The following CFAP300 variants were observed in gnomAD, a reference collection of about 807,000 sequenced individuals.
CFAP300 encodes the protein cilia- and flagella-associated protein 300.
A neutral mutation model predicts 33.0 loss-of-function variants in CFAP300; 32 were observed. That is an observed-to-expected ratio of 0.97 (90% CI 0.73 to 1.30). The LOEUF is 1.30. Ranked by LOEUF, CFAP300 falls within the 50% of genes most tolerant of loss-of-function variation. The pLI is 0.00. For synonymous variants in CFAP300, 102 were observed against 106.8 expected (o/e 0.95, Z 0.28); for missense variants, 356 against 318.1 (o/e 1.12, Z -0.90).
At chr11:102,056,216 T>C (rs1372644712) in intron 2 of CFAP300, among the ~76,000 whole-genome samples, 2 of 152,202 alleles carry the variant, frequency 1.3e-5, no homozygotes, top group Non-Finnish European at 2.9e-5. Flanking sequence ...ACTGTTTTTT[T>C]ACTGATAGAC....
In CFAP300 at chr11:102,083,056, GT is replaced by G. The variant is rs763466819; in HGVS notation, c.676-12del. 5 of 1,338,434 alleles carry G rather than the reference GT, an allele frequency of 3.7e-6. No homozygotes were observed. The highest frequency in any genetic ancestry group is 5.6e-5 in the Admixed American group (2 of 35,984). 82.9% of individuals were successfully genotyped at this position (1,338,434 alleles called of 1,614,324 possible). ...ATAAAATAAAATAATAATAATTTAGGTTTGTCTTTTTCAGGATTCTGCTGGT... is the reference window on the plus strand; with the variant it reads ...ATAAAATAAAATAATAATAATTTAGGTTGTCTTTTTCAGGATTCTGCTGGT... On this transcript the variant is annotated splice_polypyrimidine_tract_variant and intron_variant, in intron 6 of 6. Coordinates refer to ENST00000434758, the MANE Select transcript of CFAP300 (RefSeq NM_032930.3).
intron 4 of CFAP300, 94 bp downstream of exon 4, chr11:102,066,745 T>C: frequency 1.0e-6 from 1 of 1,002,930 alleles, no homozygotes; most frequent in Non-Finnish European, 1.5e-6. Flanking sequence ...TAAAATACCT[T>C]GTCATAAAAT....
chr11:102,055,355 G>A (rs116358040), intron 2 of CFAP300, among the ~76,000 whole-genome samples: 1,333 of 83,758 alleles, frequency 0.016, 25 homozygotes, highest in African/African-American at 0.068. Flanking sequence ...TACCACATGC[G>A]TTACTCTTTT....
At position 102,079,363 on chromosome 11, in the gene CFAP300, G is replaced by A. The variant is rs142379121; in HGVS notation, c.609-1852G>A. On this transcript the variant is annotated intron_variant, in intron 5 of 6. Coordinates refer to ENST00000434758, the MANE Select transcript of CFAP300 (RefSeq NM_032930.3). ...GGGTAAGCACAAAATCTTAAAAGTA[G>A]TATTCAACTTTTAAGCAGTATGTTA... 1.3e-3 allele frequency among the ~76,000 whole-genome samples: 203 copies of A among 152,250 alleles called. 2 individuals carry two copies. The highest frequency in any genetic ancestry group is 4.7e-3 in the African/African-American group (194 of 41,566).
chr11:102,049,780 G>A (rs903665254), intron 2 of CFAP300, among the ~76,000 whole-genome samples: 1 of 151,682 alleles, frequency 6.6e-6, no homozygotes, highest in African/African-American at 2.4e-5. Context: ...CCCTCTAGAG[G>A]GTATAAAAAG....
intron 3 of CFAP300, among the ~76,000 whole-genome samples, chr11:102,061,541 A>G (rs765404226): frequency 2.0e-5 from 3 of 152,220 alleles, no homozygotes; most frequent in Admixed American, 6.5e-5. Flanking sequence ...TTTTGATAAC[A>G]TATAATGGAT....
chr11:102,072,349 A>G (rs1180855716), intron 4 of CFAP300, among the ~76,000 whole-genome samples: 2 of 152,026 alleles, frequency 1.3e-5, no homozygotes, highest in Admixed American at 6.6e-5. Flanking sequence ...AATGATATCC[A>G]TCTTTTTGGT....
intron 4 of CFAP300, 91 bp downstream of exon 4, chr11:102,066,742 C>T: frequency 9.2e-7 from 1 of 1,092,038 alleles, no homozygotes; most frequent in South Asian, 1.5e-5. Flanking sequence ...GCATAAAATA[C>T]CTTGTCATAA....
rs770342377 is a variant in CFAP300, at chr11:102,076,057, A to G, written c.608+12A>G. The G allele has an allele frequency of 2.5e-6, 4 of 1,596,990 alleles. No homozygotes were observed. The highest frequency in any genetic ancestry group is 2.3e-5 in the South Asian group (2 of 86,956). ...AAGGATCTGGTGAGGTAATGTTGCT[A>G]GATCACAATATGTAAATCTCTAGTT... On this transcript the variant is annotated intron_variant, in intron 5 of 6. Coordinates refer to ENST00000434758, the MANE Select transcript of CFAP300 (RefSeq NM_032930.3).
intron 3 of CFAP300, among the ~76,000 whole-genome samples, chr11:102,059,662 T>A (rs554906435): frequency 7.3e-5 from 11 of 151,706 alleles, no homozygotes; most frequent in African/African-American, 2.7e-4. Context: ...CTAAAAAAAA[T>A]GTAAAAGTGT....
chr11:102,070,600 G>T (rs1942299668), intron 4 of CFAP300, among the ~76,000 whole-genome samples: 1 of 151,928 alleles, frequency 6.6e-6, no homozygotes, highest in South Asian at 2.1e-4. Context: ...ACTAACTTAG[G>T]TTTGTTCTTG....
chr11:102,064,014 A>G (rs1942188503), intron 3 of CFAP300, among the ~76,000 whole-genome samples: 1 of 152,164 alleles, frequency 6.6e-6, no homozygotes, highest in South Asian at 2.1e-4. Context: ...ATTATTTCCC[A>G]AAGGCCCCAT....
At chr11:102,050,050 G>A (rs186280304) in intron 2 of CFAP300, among the ~76,000 whole-genome samples, 9 of 152,142 alleles carry the variant, frequency 5.9e-5, no homozygotes, top group South Asian at 2.1e-4. Context: ...AGCTACTTGC[G>A]GGGCTGAGGT....
At chr11:102,048,684 G>A (rs144786833) in intron 2 of CFAP300, among the ~76,000 whole-genome samples, 36 of 152,236 alleles carry the variant, frequency 2.4e-4, no homozygotes, top group African/African-American at 7.0e-4. Context: ...GTATGAAGCC[G>A]TAGCACAGTG....
At chr11:102,078,818 C>T (rs1373972246) in intron 5 of CFAP300, among the ~76,000 whole-genome samples, 3 of 152,176 alleles carry the variant, frequency 2.0e-5, no homozygotes, top group African/African-American at 4.8e-5. Context: ...AAGCAATTCT[C>T]GTGCCTCAGC....
chr11:102,058,775 T>C, intron 2 of CFAP300, 105 bp from the exon 3 acceptor site: 1 of 677,150 alleles, frequency 1.5e-6, no homozygotes, highest in Non-Finnish European at 2.5e-6. Flanking sequence ...AATTTAAAAT[T>C]GTCCTTTCTA....
intron 2 of CFAP300, among the ~76,000 whole-genome samples, chr11:102,057,346 A>AAAAAAG (rs1394281691): frequency 1.3e-5 from 2 of 151,824 alleles, no homozygotes; most frequent in Admixed American, 6.6e-5. Flanking sequence ...TCTCAAAAAA[A>AAAAAAG]AAAAAAAGAA....
rs775899981 is a variant in CFAP300, at chr11:102,066,611, C to A, written c.395C>A (p.Ser132Tyr). The A allele has an allele frequency of 6.2e-7, 1 of 1,607,916 alleles. No individual in the cohort carries two copies. The highest frequency in any genetic ancestry group is 8.5e-7 in the Non-Finnish European group (1 of 1,178,502). The stretch of plus-strand genomic sequence containing the variant: ...GGACATATTGTTAAATGTTTAGATT[C>A]TTTTTGTGATCCATTTCTCATTTCT... The part of the protein sequence containing the change: ...DSGHIVKCLD[S>Y]FCDPFLISDE... Residue 132 changes from serine to tyrosine, a missense_variant, in exon 4 of 7, where the codon TCT (serine) becomes TAT (tyrosine). Transcript: ENST00000434758.
At position 102,083,378 on chromosome 11, in the gene CFAP300, C is replaced by T. The variant is rs1280955656; in HGVS notation, c.*179C>T. On this transcript the variant is annotated 3_prime_UTR_variant, in exon 7 of 7. Transcript: ENST00000434758. ...TTAAAAATTTGTGTGGAATACTAAC[C>T]GGGGATCAAATTTCATCCATAATAA... The T allele has an allele frequency of 2.5e-5, 9 of 354,564 alleles. No individual in the cohort carries two copies. In the South Asian group the frequency reaches 4.0e-4, roughly 16 times the overall value. The allele number at this position is 354,564 out of a possible 1,614,324, so 22.0% of individuals were successfully genotyped here.
Sources: gnomAD v4.1 joint callset for allele counts (sites outside exome capture counted in the v4.1 genomes callset) on GRCh38, gnomAD v4.1.1 for gene constraint, MANE v1.5 for transcripts, NCBI Gene and HGNC (gene_info 2026-07-23, HGNC 2026-07-21) for gene names.